The following PXN variants were observed in gnomAD, a reference collection of about 807,000 sequenced individuals.
PXN encodes testicular tissue protein Li 134.
In PXN, 61 loss-of-function variants were observed where a neutral mutation model predicts 103.6. That is an observed-to-expected ratio of 0.59 (90% CI 0.48 to 0.73). The LOEUF (loss-of-function observed/expected upper bound fraction) is 0.73, where lower values mean the gene tolerates loss of function less well. Among genes scored for constraint, PXN ranks in the 30% least tolerant of loss-of-function variants. PXN has a pLI of 0.00. For missense variants in PXN, 1,274 were observed against 1,460.3 expected (o/e 0.87, Z 2.08); for synonymous variants, 562 against 607.8 (o/e 0.92, Z 1.11).
chr12:120,214,630 G>T lies in PXN; in HGVS notation c.2748+195C>A, dbSNP rs1483413322. 6.6e-6 allele frequency among the ~76,000 whole-genome samples: 1 copy of T among 152,164 alleles called. No homozygotes were observed. The highest frequency in any genetic ancestry group is 1.5e-5 in the Non-Finnish European group (1 of 68,026). On this transcript the variant is annotated intron_variant, in intron 12 of 14. Coordinates refer to ENST00000637617, the MANE Select transcript of PXN (RefSeq NM_001385981.1). This position sits in a 1 kb window ranked among gnomAD's most constrained non-coding sequence, Gnocchi z 5.0. ...GAATCGAGATGGGAGGTGAAGGGAG[G>T]TGGGGCTGCCCGATGCACATCGGGA...
rs550043672 is a variant in PXN at position 120,252,935 on chromosome 12, T to C, written c.13+12682A>G. ...ATTGCTTGAACCCAGGAGGCGGAGG[T>C]TGCAGTTGAGCCGAGATCATGCCAC... On this transcript the variant is annotated intron_variant, in intron 1 of 14. Transcript: ENST00000637617. Among the ~76,000 whole-genome samples the C allele has an allele frequency of 2.4e-3, 360 of 147,242 alleles. 2 individuals are homozygous for C. Among genetic ancestry groups the C allele is most frequent in the African/African-American group, 8.7e-3 (346 of 39,606 alleles).
intron 1 of PXN, among the ~76,000 whole-genome samples, chr12:120,261,337 C>T (rs142242980): frequency 2.0e-5 from 3 of 152,176 alleles, no homozygotes; most frequent in African/African-American, 4.8e-5. Flanking sequence ...ACTACAGGCA[C>T]GCGCCACCAC....
rs1001754739 is a variant in PXN at position 120,214,043 on chromosome 12, G to A, written c.2831-53C>T. The A allele has an allele frequency of 1.3e-6, 2 of 1,594,804 alleles. No homozygotes were observed. Among genetic ancestry groups the A allele is most frequent in the African/African-American group, 1.3e-5 (1 of 74,508 alleles). On this transcript the variant is annotated intron_variant, in intron 13 of 14. Transcript: ENST00000637617. The surrounding 1 kb of genome is among the most constrained non-coding windows in gnomAD (Gnocchi z 5.0). Reference sequence around the variant, plus strand: ...GTTCATTCCGGCTTCCAGAAGTGGAGCCACTCTGACTCCAACCTCAGCAGC... The same window carrying A: ...GTTCATTCCGGCTTCCAGAAGTGGAACCACTCTGACTCCAACCTCAGCAGC...
Position 120,219,769 on chromosome 12 carries a change from C to T in PXN, c.1154G>A (p.Arg385Lys). 1 of 1,598,032 alleles carries T rather than the reference C, an allele frequency of 6.3e-7. No individual in the cohort carries two copies. ...CTCACTTGTGATGGTCGGCAGGTGC[C>T]TCCAATCTCGACCCTGACTCTCTGT... is the stretch of plus-strand genomic sequence containing the variant. ...VGTESQGRDW[R>K]HLPTITSELS... The change falls in exon 7 of 15, where the codon AGG becomes AAG. Residue 385 changes from arginine (R) to lysine (K), a missense_variant. Around this residue, in one of 2 missense-constraint regions of PXN, gnomAD observed 1,178 missense variants for 1,309.0 expected, o/e 0.90. Transcript: ENST00000637617. The surrounding 1 kb of genome is among the most constrained non-coding windows in gnomAD (Gnocchi z 6.5).
At chr12:120,250,698 A>G (rs919951734) in intron 1 of PXN, among the ~76,000 whole-genome samples, 1 of 152,218 alleles carries the variant, frequency 6.6e-6, no homozygotes, top group South Asian at 2.1e-4. Context: ...CCACCAGCCC[A>G]AGGGTGTGGC....
chr12:120,249,127 ACT>A (rs1891722071), intron 1 of PXN, among the ~76,000 whole-genome samples: 1 of 152,050 alleles, frequency 6.6e-6, no homozygotes, highest in East Asian at 1.9e-4. Context: ...ACAGAGCAAG[ACT>A]CTGTCTCAAA....
At chr12:120,234,833 C>T (rs889066845) in intron 1 of PXN, among the ~76,000 whole-genome samples, 4 of 152,182 alleles carry the variant, frequency 2.6e-5, no homozygotes, top group Non-Finnish European at 4.4e-5. Context: ...ACAGGAGACA[C>T]TCAGTCAATA....
chr12:120,231,476 T>TA (rs1418408161), intron 1 of PXN, among the ~76,000 whole-genome samples: 1 of 152,112 alleles, frequency 6.6e-6, no homozygotes, highest in Non-Finnish European at 1.5e-5. Flanking sequence ...ATTTTACCCT[T>TA]ACAGCCCTGA....
rs1486997507 is a variant in PXN at position 120,221,340 on chromosome 12, C to T, written c.831+283G>A. ...CGTCCCAGCCTCCTGATCCCCTCGACCTGAGAGGCTGGGAGCACCCAGGGA... is the reference window on the plus strand; with the variant it reads ...CGTCCCAGCCTCCTGATCCCCTCGATCTGAGAGGCTGGGAGCACCCAGGGA... On this transcript the variant is annotated intron_variant, in intron 6 of 14. Coordinates refer to ENST00000637617, the MANE Select transcript of PXN (RefSeq NM_001385981.1). This position sits in a 1 kb window ranked among gnomAD's most constrained non-coding sequence, Gnocchi z 6.6. Among the ~76,000 whole-genome samples the T allele has an allele frequency of 2.0e-5, 3 of 152,126 alleles. No homozygotes were observed.
At chr12:120,257,515 G>A (rs1333369229) in intron 1 of PXN, among the ~76,000 whole-genome samples, 1 of 152,192 alleles carries the variant, frequency 6.6e-6, no homozygotes, top group Non-Finnish European at 1.5e-5. Flanking sequence ...CTCCCCTCAT[G>A]AGAGCCTGCT....
intron 1 of PXN, chr12:120,227,247 TC>T: frequency 1.3e-6 from 1 of 775,170 alleles, no homozygotes; most frequent in Non-Finnish European, 1.6e-6. Flanking sequence ...ATGCCTATAG[TC>T]CCAGCTATTC....
chr12:120,233,041 C>G (rs896492500), intron 1 of PXN, among the ~76,000 whole-genome samples: 5 of 152,300 alleles, frequency 3.3e-5, no homozygotes, highest in Middle Eastern at 3.4e-3. Flanking sequence ...CATCACTTGC[C>G]TCCCTTTCCT....
At chr12:120,230,363 G>T (rs960145270) in intron 1 of PXN, among the ~76,000 whole-genome samples, 11 of 152,178 alleles carry the variant, frequency 7.2e-5, no homozygotes, top group Non-Finnish European at 1.6e-4. Flanking sequence ...TGTCTATCCT[G>T]TTGGGTCCAG....
chr12:120,247,163 T>C (rs2136579633), intron 1 of PXN, among the ~76,000 whole-genome samples: 1 of 152,350 alleles, frequency 6.6e-6, no homozygotes, highest in African/African-American at 2.4e-5. Flanking sequence ...AAAAGGTTTA[T>C]ATACTCCAAT....
At position 120,214,113 on chromosome 12, in the gene PXN, C is replaced by T. The variant is rs772010586; in HGVS notation, c.2830+23G>A. 1.3e-6 allele frequency: 2 copies of T among 1,554,382 alleles called. No individual in the cohort carries two copies. The highest frequency in any genetic ancestry group is 8.7e-7 in the Non-Finnish European group (1 of 1,148,900). On this transcript the variant is annotated intron_variant, in intron 13 of 14. Transcript: ENST00000637617. This position sits in a 1 kb window ranked among gnomAD's most constrained non-coding sequence, Gnocchi z 5.0. Reference sequence around the variant, plus strand: ...CCGGCCCTCCTAAGAGGCGGTGGGTCAGTCCGCCGGTCCAGCCCGTACCTT... The same window carrying T: ...CCGGCCCTCCTAAGAGGCGGTGGGTTAGTCCGCCGGTCCAGCCCGTACCTT...
Position 120,229,268 on chromosome 12 carries a change from C to T in PXN, c.14-4891G>A, listed in dbSNP as rs1190551658. 2.0e-5 allele frequency among the ~76,000 whole-genome samples: 3 copies of T among 152,274 alleles called. No homozygotes were observed. Among genetic ancestry groups the T allele is most frequent in the African/African-American group, 7.2e-5 (3 of 41,548 alleles). ...AATTAAAACCTTCCGCCCCCACCCC[C>T]GACTGCAGCACAGAAACAAGCCAGG... is the stretch of plus-strand genomic sequence containing the variant. On this transcript the variant is annotated intron_variant, in intron 1 of 14. Coordinates refer to ENST00000637617, the MANE Select transcript of PXN (RefSeq NM_001385981.1). The surrounding 1 kb of genome is among the most constrained non-coding windows in gnomAD (Gnocchi z 4.0).
chr12:120,222,472 C>G lies in PXN; in HGVS notation c.695+77G>C. 1 of 1,444,032 alleles carries G rather than the reference C, an allele frequency of 6.9e-7. No homozygotes were observed. Among genetic ancestry groups the G allele is most frequent in the Non-Finnish European group, 9.3e-7 (1 of 1,074,754 alleles). 89.5% of individuals were successfully genotyped at this position (1,444,032 alleles called of 1,614,324 possible). ...CGGGAGGGAGTGGGTGATACCAGGG[C>G]TAAGGGGACAGACACTGGACCCGGG... On this transcript the variant is annotated intron_variant, in intron 5 of 14. Transcript: ENST00000637617. This position sits in a 1 kb window ranked among gnomAD's most constrained non-coding sequence, Gnocchi z 4.7.
At chr12:120,241,638 T>C (rs1400632576) in intron 1 of PXN, among the ~76,000 whole-genome samples, 1 of 152,018 alleles carries the variant, frequency 6.6e-6, no homozygotes, top group African/African-American at 2.4e-5. Context: ...AAAGCGGCAG[T>C]GGGCCAGGAG....
chr12:120,238,245 G>C (rs1240848002), intron 1 of PXN, among the ~76,000 whole-genome samples: 5 of 152,210 alleles, frequency 3.3e-5, no homozygotes, highest in Non-Finnish European at 4.4e-5. Context: ...AGGTGCAGGG[G>C]AGAGGGATAG....
Sources: gnomAD v4.1 joint callset for allele counts (sites outside exome capture counted in the v4.1 genomes callset) on GRCh38, gnomAD v4.1.1 for gene constraint, gnomAD v4.1.1 regional missense constraint, Gnocchi (gnomAD v3.1) non-coding constraint, MANE v1.5 for transcripts, NCBI Gene and HGNC (gene_info 2026-07-23, HGNC 2026-07-21) for gene names.